RUNX3: variants seen among roughly 807,000 people sequenced by gnomAD.
RUNX3 encodes RUNX family transcription factor 3.
A neutral mutation model predicts 27.7 loss-of-function variants in RUNX3; 10 were observed. That is an observed-to-expected ratio of 0.36 (90% CI 0.22 to 0.61). The LOEUF is 0.61. Ranked by LOEUF, RUNX3 falls within the 20% of genes least tolerant of loss-of-function variation. The pLI, the probability that RUNX3 is intolerant of heterozygous loss-of-function variation, is 0.72. For missense variants in RUNX3, 469 were observed against 629.5 expected, an observed-to-expected ratio of 0.75 and a Z score of 2.73; for synonymous variants, 270 against 269.2, an observed-to-expected ratio of 1.00 and a Z score of -0.03.
chr1:24,944,838 C>T (rs546939342), intron 2 of RUNX3, among the ~76,000 whole-genome samples: 1 of 152,342 alleles, frequency 6.6e-6, no homozygotes, highest in East Asian at 1.9e-4. Flanking sequence ...CAGCCCTGCC[C>T]TGACCTTGAT....
chr1:24,947,231 G>A (rs954264865), intron 2 of RUNX3, among the ~76,000 whole-genome samples: 1 of 152,184 alleles, frequency 6.6e-6, no homozygotes. Context: ...TAGTCCGGCT[G>A]CCTGCTACCT....
intron 3 of RUNX3, among the ~76,000 whole-genome samples, chr1:24,915,330 A>C (rs1640868536): frequency 6.6e-6 from 1 of 152,210 alleles, no homozygotes; most frequent in Non-Finnish European, 1.5e-5. Flanking sequence ...AGGCTGAGGC[A>C]AGAGAATCTC....
At position 24,930,179 on chromosome 1, in the gene RUNX3, G is replaced by T. The variant is rs1641190865; in HGVS notation, c.-311C>A. 1 of 978,684 alleles carries T rather than the reference G, an allele frequency of 1.0e-6. No homozygotes were observed. The highest frequency in any genetic ancestry group is 1.8e-5 in the African/African-American group (1 of 56,480). The allele number at this position is 978,684 out of a possible 1,614,324, so 60.6% of individuals were successfully genotyped here. A position where few individuals can be genotyped will look rare whatever the true frequency, so the allele number is the denominator to read the frequency against. ...TGGGCCGCGGCGGGGCCCGCGCGGG[G>T]CTGTGCCGCTGCCGCCGCCTCCCGC... On this transcript the variant is annotated 5_prime_UTR_variant, in exon 1 of 5. Coordinates refer to ENST00000308873, the MANE Select transcript of RUNX3 (RefSeq NM_004350.3). The surrounding 1 kb of genome is among the most constrained non-coding windows in gnomAD (Gnocchi z 4.1).
rs143684397 is a variant in RUNX3, at chr1:24,938,606, C to A, written c.59-8754G>T. ...AGAGTCCTTGGCAGGCAATAAAGTT[C>A]CTCTTCTATGGCTTGAATGTCTCCC... is the stretch of plus-strand genomic sequence containing the variant. On this transcript the variant is annotated intron_variant, in intron 2 of 6. Coordinates refer to the RUNX3 transcript ENST00000338888. 4.5e-3 allele frequency among the ~76,000 whole-genome samples: 684 copies of A among 152,310 alleles called. 2 individuals carry two copies. Among genetic ancestry groups the A allele is most frequent in the Middle Eastern group, 0.02 (6 of 294 alleles).
intron 2 of RUNX3, among the ~76,000 whole-genome samples, chr1:24,937,422 C>G (rs1641373388): frequency 1.3e-5 from 2 of 152,224 alleles, no homozygotes; most frequent in African/African-American, 4.8e-5. Flanking sequence ...CTCTCCTGGC[C>G]CCTGCCATGT....
chr1:24,949,219 T>C (rs892693805), intron 2 of RUNX3, among the ~76,000 whole-genome samples: 1 of 152,008 alleles, frequency 6.6e-6, no homozygotes, highest in Non-Finnish European at 1.5e-5. Context: ...GGTACTGTTA[T>C]TCTCCCCATT....
upstream of RUNX3, among the ~76,000 whole-genome samples, chr1:24,932,754 C>T (rs1190545632): frequency 6.6e-6 from 1 of 152,162 alleles, no homozygotes; most frequent in Non-Finnish European, 1.5e-5. Flanking sequence ...AACTCCGACT[C>T]CCCCACCTGG....
intron 2 of RUNX3, among the ~76,000 whole-genome samples, chr1:24,922,001 A>G (rs1392031472): frequency 1.3e-5 from 2 of 152,098 alleles, no homozygotes; most frequent in African/African-American, 4.8e-5. Context: ...CCCAGGTTGG[A>G]GTGCAGTGGC....
chr1:24,906,550 C>T (rs538126140), intron 4 of RUNX3, among the ~76,000 whole-genome samples: 8 of 152,286 alleles, frequency 5.3e-5, no homozygotes, highest in Admixed American at 4.6e-4. Context: ...GTTTAGTGAG[C>T]GGCTACTATG....
intron 2 of RUNX3, among the ~76,000 whole-genome samples, chr1:24,924,444 T>C (rs1641060882): frequency 6.6e-6 from 1 of 152,080 alleles, no homozygotes; most frequent in Non-Finnish European, 1.5e-5. Context: ...TTTGTACTTT[T>C]AATATCTACT....
intron 2 of RUNX3, chr1:24,964,452 G>A: frequency 2.1e-6 from 3 of 1,395,968 alleles, no homozygotes; most frequent in Non-Finnish European, 3.0e-6. Flanking sequence ...GGTCAGTGGA[G>A]GGACGTGGTC....
chr1:24,928,865 C>A, intron 1 of RUNX3: 1 of 362,116 alleles, frequency 2.8e-6, no homozygotes, highest in Admixed American at 3.7e-5. Context: ...CTGCCCTGCC[C>A]TTTTCTCACG....
intron 3 of RUNX3, among the ~76,000 whole-genome samples, chr1:24,918,981 T>G (rs531578707): frequency 6.6e-6 from 1 of 152,294 alleles, no homozygotes; most frequent in African/African-American, 2.4e-5. Flanking sequence ...GCTTTCTCCA[T>G]CCTTTTCCTT....
chr1:24,925,062 T>C (rs576986612), intron 2 of RUNX3, among the ~76,000 whole-genome samples: 1 of 152,332 alleles, frequency 6.6e-6, no homozygotes, highest in East Asian at 1.9e-4. Flanking sequence ...TTCTTAGTTC[T>C]GGCAGAAGTC....
upstream of RUNX3, among the ~76,000 whole-genome samples, chr1:24,934,424 G>A (rs937358649): frequency 6.6e-6 from 1 of 152,184 alleles, no homozygotes; most frequent in African/African-American, 2.4e-5. Context: ...AAGGAGCAAG[G>A]GAGAGCAGGG....
chr1:24,913,865 C>A (rs144287945), intron 3 of RUNX3, among the ~76,000 whole-genome samples: 200 of 152,336 alleles, frequency 1.3e-3, no homozygotes, highest in African/African-American at 4.7e-3. Flanking sequence ...TCCATGCAGG[C>A]CCAACACAAG....
rs1246895019 is a variant in RUNX3, at chr1:24,902,518, G to A, written c.852C>T (p.Pro284=). The change falls in exon 5 of 5, where the codon CCC becomes CCT. Residue 284 remains proline, a synonymous_variant. Transcript: ENST00000308873. This position sits in a 1 kb window ranked among gnomAD's most constrained non-coding sequence, Gnocchi z 9.2. The part of the protein sequence containing the change: ...MSAAFPYSAT[P]SGTSISSLSV... ...TGAGGCTGCTGATGCTCGTGCCCGA[G>A]GGCGTGGCGCTGTAGGGGAAGGCAG... The A allele has an allele frequency of 1.9e-6, 3 of 1,597,582 alleles. No individual in the cohort carries two copies. The highest frequency in any genetic ancestry group is 1.1e-5 in the South Asian group (1 of 90,182).
intron 2 of RUNX3, among the ~76,000 whole-genome samples, chr1:24,947,420 C>G (rs1395101761): frequency 6.6e-6 from 1 of 152,172 alleles, no homozygotes; most frequent in Non-Finnish European, 1.5e-5. Context: ...CCTCCTAGGC[C>G]TGTGGCGGCT....
chr1:24,930,760 C>T (rs911177689), upstream of RUNX3, among the ~76,000 whole-genome samples: 1 of 152,216 alleles, frequency 6.6e-6, no homozygotes, highest in African/African-American at 2.4e-5. This position sits in a 1 kb window ranked among gnomAD's most constrained non-coding sequence, Gnocchi z 4.1. Flanking sequence ...TTACTCACCT[C>T]CCTCGTCCCG....
Sources: allele counts gnomAD v4.1 joint callset (sites outside exome capture counted in the v4.1 genomes callset), GRCh38; gene constraint gnomAD v4.1.1; non-coding constraint Gnocchi (gnomAD v3.1); transcripts MANE v1.5; gene names NCBI Gene and HGNC (gene_info 2026-07-23, HGNC 2026-07-21).